Variants in NAV3 observed in about 807,000 individuals in gnomAD.
NAV3 encodes the protein neuron navigator 3, also known as pore membrane and/or filament interacting like protein 1.
A neutral mutation model predicts 244.7 loss-of-function variants in NAV3; 87 were observed. The ratio of observed to expected loss-of-function variants is 0.36; its 90% CI spans 0.30 to 0.42. NAV3 has a LOEUF of 0.42. Among genes scored for constraint, NAV3 ranks in the 20% least tolerant of loss-of-function variants. NAV3 has a pLI of 1.00. For missense variants in NAV3, 2,663 were observed against 2,893.3 expected (o/e 0.92, Z 1.83); for synonymous variants, 1,126 against 1,042.2 (o/e 1.08, Z -1.55).
intron 3 of NAV3, among the ~76,000 whole-genome samples, chr12:77,965,007 A>G (rs1892387184): frequency 6.6e-6 from 1 of 152,088 alleles, no homozygotes; most frequent in Non-Finnish European, 1.5e-5. Context: ...CTATGAAGCT[A>G]AGCTAGGGAG....
At chr12:78,041,257 C>T (rs1037796339) in intron 9 of NAV3, among the ~76,000 whole-genome samples, 18 of 151,972 alleles carry the variant, frequency 1.2e-4, no homozygotes, top group African/African-American at 2.7e-4. Context: ...TTTCTTAGTA[C>T]GTTATGTTTG....
At chr12:78,135,881 A>G (rs1048374540) in intron 18 of NAV3, among the ~76,000 whole-genome samples, 5 of 151,924 alleles carry the variant, frequency 3.3e-5, no homozygotes, top group African/African-American at 9.7e-5. Context: ...TTGGAGATTC[A>G]TATTTTCTTC....
At chr12:78,161,204 G>T (rs1593848665) in intron 23 of NAV3, among the ~76,000 whole-genome samples, 1 of 152,052 alleles carries the variant, frequency 6.6e-6, no homozygotes, top group Non-Finnish European at 1.5e-5. Context: ...GGATGATAAT[G>T]ACTACCTTGT....
At chr12:77,959,885 A>G (rs1891717857) in intron 3 of NAV3, among the ~76,000 whole-genome samples, 1 of 125,386 alleles carries the variant, frequency 8.0e-6, no homozygotes. Context: ...TTTCTACTCC[A>G]GAGTAGTATA....
At chr12:77,915,811 A>G (rs1163662465) in intron 1 of NAV3, among the ~76,000 whole-genome samples, 1 of 151,998 alleles carries the variant, frequency 6.6e-6, no homozygotes, top group Non-Finnish European at 1.5e-5. Context: ...TCATTCATTT[A>G]GTCCCATCAA....
chr12:77,833,699 G>A (rs904744689), intron 1 of NAV3, among the ~76,000 whole-genome samples: 1 of 152,168 alleles, frequency 6.6e-6, no homozygotes, highest in African/African-American at 2.4e-5. Context: ...CTGGGTTCTC[G>A]CCTTGGTTCC....
chr12:78,026,916 A>G (rs564642518), intron 9 of NAV3, among the ~76,000 whole-genome samples: 1 of 152,342 alleles, frequency 6.6e-6, no homozygotes, highest in South Asian at 2.1e-4. Flanking sequence ...TAGGACTTAT[A>G]TCTTTGGCTT....
intron 1 of NAV3, among the ~76,000 whole-genome samples, chr12:77,911,612 T>C (rs1009033048): frequency 2.0e-5 from 3 of 152,136 alleles, no homozygotes; most frequent in African/African-American, 4.8e-5. Context: ...TTTAATTTTT[T>C]AACTTAAAAA....
At position 77,820,115 on chromosome 12, in the gene NAV3, C is replaced by T. The variant is rs930536884; in HGVS notation, c.73-120204C>T. ...GTGTGTGTGTGTGTGTGTGTGCACA[C>T]GCACTATTCTGGTAAGAAGCAGATA... On this transcript the variant is annotated intron_variant, in intron 2 of 8. Transcript: ENST00000550042. Among the ~76,000 whole-genome samples the T allele has an allele frequency of 3.3e-5, 5 of 151,702 alleles. No homozygotes were observed. In the South Asian group the frequency reaches 8.3e-4, roughly 25 times the overall value.
At chr12:77,883,477 C>T (rs1046542971) in intron 1 of NAV3, among the ~76,000 whole-genome samples, 1 of 151,910 alleles carries the variant, frequency 6.6e-6, no homozygotes, top group African/African-American at 2.4e-5. Flanking sequence ...GCTGAAAAAC[C>T]ACACATTGGG....
At chr12:77,983,059 G>T (rs547905730) in intron 5 of NAV3, among the ~76,000 whole-genome samples, 1 of 152,174 alleles carries the variant, frequency 6.6e-6, no homozygotes, top group Non-Finnish European at 1.5e-5. Context: ...AGCATATAAT[G>T]AGAGAGAAGA....
intron 2 of NAV3, among the ~76,000 whole-genome samples, chr12:77,691,481 T>C (rs1190521536): frequency 2.7e-5 from 4 of 150,524 alleles, no homozygotes; most frequent in Non-Finnish European, 5.9e-5. Context: ...ATGACTTTTT[T>C]CCTTGCCATT....
rs539054265 is a variant in NAV3, at chr12:77,977,365, G to A, written c.671+8663G>A. Among the ~76,000 whole-genome samples, 7 of 152,042 alleles carry A rather than the reference G, an allele frequency of 4.6e-5. No homozygotes were observed. The South Asian group carries it at 1.5e-3, about 32-fold the overall frequency. On this transcript the variant is annotated intron_variant, in intron 5 of 39. Transcript: ENST00000397909. ...TCTTTCTAGGAGTGTTACTAACATA[G>A]TTACACTCCACTATCTTTAGTTCTT...
At chr12:77,610,387 C>A (rs995764909) in intron 2 of NAV3, among the ~76,000 whole-genome samples, 2 of 151,932 alleles carry the variant, frequency 1.3e-5, no homozygotes, top group Admixed American at 6.6e-5. Context: ...TGGATAAGTG[C>A]CTTTGGTAGT....
At chr12:77,710,916 T>C (rs1404517226) in intron 2 of NAV3, among the ~76,000 whole-genome samples, 3 of 152,184 alleles carry the variant, frequency 2.0e-5, no homozygotes, top group Non-Finnish European at 2.9e-5. Flanking sequence ...AAAAAATTGT[T>C]TTACAAATTT....
chr12:77,680,261 T>C (rs938865533), intron 2 of NAV3, among the ~76,000 whole-genome samples: 3 of 152,160 alleles, frequency 2.0e-5, no homozygotes, highest in Non-Finnish European at 4.4e-5. Context: ...GGTAAGGGAC[T>C]GGGAATTGAG....
chr12:78,142,048 G>C (rs1956638356), intron 20 of NAV3, among the ~76,000 whole-genome samples: 1 of 152,080 alleles, frequency 6.6e-6, no homozygotes, highest in Admixed American at 6.6e-5. Flanking sequence ...TAGCACAATA[G>C]AGTGACTATA....
intron 36 of NAV3, 190 bp from the exon 37 acceptor site, chr12:78,199,145 C>T: frequency 1.5e-6 from 1 of 664,330 alleles, no homozygotes; most frequent in Non-Finnish European, 2.8e-6. Flanking sequence ...GAGTTAGCTA[C>T]ATTATAGCTC....
At chr12:77,993,616 A>G (rs1871818869) in intron 5 of NAV3, among the ~76,000 whole-genome samples, 2 of 152,182 alleles carry the variant, frequency 1.3e-5, no homozygotes, top group African/African-American at 4.8e-5. Context: ...GGCAATTTTA[A>G]GGACCTGCAA....
Sources: allele counts gnomAD v4.1 joint callset (sites outside exome capture counted in the v4.1 genomes callset), GRCh38; gene constraint gnomAD v4.1.1; transcripts MANE v1.5; gene names NCBI Gene and HGNC (gene_info 2026-07-23, HGNC 2026-07-21).